The following PDHB variants were observed in gnomAD, a reference collection of about 807,000 sequenced individuals.
PDHB encodes the protein pyruvate dehydrogenase E1 component subunit beta, mitochondrial.
A neutral mutation model predicts 42.8 loss-of-function variants in PDHB; 17 were observed. The observed-to-expected ratio is 0.40, with a 90% CI of 0.27 to 0.60. The LOEUF is 0.60. Ranked by LOEUF, PDHB falls within the 20% of genes least tolerant of loss-of-function variation. The pLI is 0.46. For missense variants in PDHB, 322 were observed against 451.3 expected, an observed-to-expected ratio of 0.71 and a Z score of 2.60; for synonymous variants, 154 against 148.7, an observed-to-expected ratio of 1.04 and a Z score of -0.26.
chr3:58,428,863 A>C (rs1165075697), intron 8 of PDHB: 6 of 496,300 alleles, frequency 1.2e-5, no homozygotes, highest in Admixed American at 3.5e-5. Context: ...TCACTTTTTT[A>C]TTTCTTTTGG....
At chr3:58,433,573 T>A in intron 2 of PDHB, 58 bp downstream of exon 2, 1 of 1,554,120 alleles carries the variant, frequency 6.4e-7, no homozygotes, top group African/African-American at 1.4e-5. Flanking sequence ...CCGGCCTCCT[T>A]CCCGAGAGAA....
intron 2 of PDHB, chr3:58,432,352 G>A: frequency 3.0e-6 from 1 of 328,138 alleles, no homozygotes; most frequent in South Asian, 2.6e-5. Context: ...TTGAAAGCAG[G>A]GATTCAAGCA....
chr3:58,429,673 T>C, intron 8 of PDHB, 35 bp downstream of exon 8: 1 of 1,286,226 alleles, frequency 7.8e-7, no homozygotes, highest in East Asian at 2.3e-5. Flanking sequence ...AAGGAGCCCT[T>C]CTAATTCTTT....
rs886058775 is a variant in PDHB, at chr3:58,427,667, C to CTT, written c.*366_*367insAA. Reference sequence around the variant, plus strand: ...TTCCTTTATTCCTTATCAAAACAAACTAACAGTAAATGTATATTATATGCT... The same window carrying CTT: ...TTCCTTTATTCCTTATCAAAACAAACTTTAACAGTAAATGTATATTATATGCT... On this transcript the variant is annotated 3_prime_UTR_variant, in exon 10 of 10. Coordinates refer to ENST00000302746, the MANE Select transcript of PDHB (RefSeq NM_000925.4). 2.7e-6 allele frequency: 1 copy of CTT among 370,782 alleles called. No individual in the cohort carries two copies. Among genetic ancestry groups the CTT allele is most frequent in the East Asian group, 7.4e-5 (1 of 13,456 alleles). The allele number at this position is 370,782 out of a possible 1,614,324, so 23.0% of individuals were successfully genotyped here.
chr3:58,433,610 A>G, intron 2 of PDHB, 21 bp downstream of exon 2: 6 of 1,604,794 alleles, frequency 3.7e-6, no homozygotes, highest in Non-Finnish European at 5.1e-6. Flanking sequence ...CCCTCGTCCG[A>G]CGAGCACCCG....
chr3:58,430,262 A>G (rs2062909083), intron 6 of PDHB, 24 bp from the exon 7 acceptor site: 4 of 1,413,596 alleles, frequency 2.8e-6, no homozygotes, highest in Non-Finnish European at 4.0e-6. Context: ...ATATTTAAAC[A>G]AAAGTAATTA....
intron 2 of PDHB, 36 bp downstream of exon 2, chr3:58,433,595 C>T (rs1011536327): frequency 6.3e-7 from 1 of 1,589,524 alleles, no homozygotes; most frequent in African/African-American, 1.3e-5. Flanking sequence ...GGGGGACCCT[C>T]CCCGCCCTCG....
intron 9 of PDHB, 83 bp from the exon 10 acceptor site, chr3:58,428,262 AAG>A: frequency 7.3e-7 from 1 of 1,370,780 alleles, no homozygotes. Flanking sequence ...GCTGACCAGG[AAG>A]AGAAAATGTA....
chr3:58,431,405 T>G lies in PDHB; in HGVS notation c.303+188A>C, dbSNP rs1019985779. 3 of 597,524 alleles carry G rather than the reference T, an allele frequency of 5.0e-6. No homozygotes were observed. Among genetic ancestry groups the G allele is most frequent in the Non-Finnish European group, 9.0e-6 (3 of 334,826 alleles). 37.0% of individuals were successfully genotyped at this position (597,524 alleles called of 1,614,324 possible). On this transcript the variant is annotated intron_variant, in intron 5 of 9. Transcript: ENST00000302746. This position sits in a 1 kb window ranked among gnomAD's most constrained non-coding sequence, Gnocchi z 4.4. ...CTCTACTAAAAACACAAAAATTGGCTAGGCACAGTGGCGCGACCTGTAACC... is the reference window on the plus strand; with the variant it reads ...CTCTACTAAAAACACAAAAATTGGCGAGGCACAGTGGCGCGACCTGTAACC...
rs751210948 is a variant in PDHB at position 58,428,106 on chromosome 3, C to T, written c.1008G>A (p.Lys336=). The change falls in exon 10 of 10, where the codon AAG becomes AAA. Residue 336 remains lysine, a synonymous_variant. Coordinates refer to ENST00000302746, the MANE Select transcript of PDHB (RefSeq NM_000925.4). The part of the protein sequence containing the change: ...TGADVPMPYA[K]ILEDNSIPQV... ...GAGGTATAGAGTTGTCCTCTAGAAT[C>T]TTTGCATAAGGCATAGGGACATCAG... 6.2e-7 allele frequency: 1 copy of T among 1,611,866 alleles called. No individual in the cohort carries two copies. Among genetic ancestry groups the T allele is most frequent in the Non-Finnish European group, 8.5e-7 (1 of 1,177,938 alleles).
At chr3:58,429,976 C>T (rs1324335627) in intron 7 of PDHB, 152 bp downstream of exon 7, 1 of 732,844 alleles carries the variant, frequency 1.4e-6, no homozygotes, top group East Asian at 2.7e-5. Context: ...AGACTGAGAT[C>T]TAGAAAAGCA....
chr3:58,433,398 A>C, intron 2 of PDHB: 1 of 598,558 alleles, frequency 1.7e-6, no homozygotes, highest in East Asian at 2.8e-5. Flanking sequence ...GAGGGAGGAA[A>C]CGCCTAGTCT....
chr3:58,429,971 G>A (rs1442584843), intron 7 of PDHB, 157 bp downstream of exon 7: 2 of 731,144 alleles, frequency 2.7e-6, no homozygotes, highest in Admixed American at 4.0e-5. Context: ...CTACCAGACT[G>A]AGATCTAGAA....
At position 58,429,758 on chromosome 3, in the gene PDHB, G is replaced by A. The variant is rs138764163; in HGVS notation, c.742C>T (p.His248Tyr). 6 of 1,612,286 alleles carry A rather than the reference G, an allele frequency of 3.7e-6. No individual in the cohort carries two copies. The highest frequency in any genetic ancestry group is 5.1e-6 in the Non-Finnish European group (6 of 1,178,476). Reference sequence around the variant, plus strand: ...AGCACTGCTGCAGCTTCTAAGCAGTGGCCCACAGGTCTTGAATGGGAAACC... The same window carrying A: ...AGCACTGCTGCAGCTTCTAAGCAGTAGCCCACAGGTCTTGAATGGGAAACC... ...TVVSHSRPVG[H>Y]CLEAAAVLSK... The change falls in exon 8 of 10, where the codon CAC (histidine) becomes TAC (tyrosine). Residue 248 changes from histidine to tyrosine, a missense_variant. Coordinates refer to ENST00000302746, the MANE Select transcript of PDHB (RefSeq NM_000925.4).
intron 7 of PDHB, 110 bp from the exon 8 acceptor site, chr3:58,429,909 C>G: frequency 1.3e-6 from 1 of 782,784 alleles, no homozygotes; most frequent in Non-Finnish European, 2.3e-6. Context: ...AATTCAACTT[C>G]ATTCCAGTGA....
intron 2 of PDHB, chr3:58,433,218 G>A (rs2062939222): frequency 7.5e-6 from 2 of 266,214 alleles, no homozygotes; most frequent in South Asian, 4.6e-5. Context: ...AGGAGTTACC[G>A]AGTAATGGAC....
intron 8 of PDHB, 171 bp from the exon 9 acceptor site, chr3:58,428,785 A>G: frequency 1.6e-6 from 1 of 625,382 alleles, no homozygotes; most frequent in South Asian, 1.9e-5. Context: ...AAAAATTTTA[A>G]TTAAAACAAA....
intron 6 of PDHB, 81 bp downstream of exon 6, chr3:58,430,576 G>T: frequency 8.9e-7 from 1 of 1,127,296 alleles, no homozygotes; most frequent in Non-Finnish European, 1.4e-6. Flanking sequence ...CTAACTAAAA[G>T]ACTTTAATGG....
chr3:58,433,115 A>C (rs574586426), intron 2 of PDHB: 2 of 178,608 alleles, frequency 1.1e-5, no homozygotes, highest in East Asian at 3.4e-4. Flanking sequence ...CAAAAGGACA[A>C]ATGATGCCAC....
Sources: allele counts gnomAD v4.1 joint callset, GRCh38; gene constraint gnomAD v4.1.1; non-coding constraint Gnocchi (gnomAD v3.1); transcripts MANE v1.5; gene names NCBI Gene and HGNC (gene_info 2026-07-23, HGNC 2026-07-21).